Variants in LRBA observed in about 807,000 individuals in gnomAD.
The protein encoded by LRBA is LPS responsive beige-like anchor protein, also known as lipopolysaccharide-responsive and beige-like anchor protein.
In LRBA, 176 loss-of-function variants were observed where a neutral mutation model predicts 330.0. The observed-to-expected ratio is 0.53, with a 90% CI of 0.47 to 0.60. The LOEUF (loss-of-function observed/expected upper bound fraction) is 0.60. Among genes scored for constraint, LRBA ranks in the 20% least tolerant of loss-of-function variants. The pLI is 0.00. For missense variants in LRBA, 3,259 were observed against 3,444.8 expected (o/e 0.95, Z 1.35); for synonymous variants, 1,230 against 1,193.0 (o/e 1.03, Z -0.64).
chr4:151,014,685 G>T lies in LRBA; in HGVS notation c.-43C>A. On this transcript the variant is annotated 5_prime_UTR_variant, in exon 2 of 57. Transcript: ENST00000651943. ...GGACAACTCAGAGTCACCCTGGGAC[G>T]GCAGTCGCTGCACTGGTAATGAGCA... 1 of 1,377,170 alleles carries T rather than the reference G, an allele frequency of 7.3e-7. No homozygotes were observed. Among genetic ancestry groups the T allele is most frequent in the African/African-American group, 1.4e-5 (1 of 70,210 alleles). 85.3% of individuals were successfully genotyped at this position (1,377,170 alleles called of 1,614,324 possible). A position where few individuals can be genotyped will look rare whatever the true frequency, so the allele number is the denominator to read the frequency against.
At chr4:150,828,920 GGGGTGTGTGTGTGTGTGTGTGTGTGTGT>G (rs899734199) in intron 29 of LRBA, among the ~76,000 whole-genome samples, 3 of 53,238 alleles carry the variant, frequency 5.6e-5, no homozygotes, top group Non-Finnish European at 6.0e-5. Flanking sequence ...ATCTTTTTTG[GGGGTGTGTGTGTGTGTGTGTGTGTGTGT>G]GTGTGTGTGT....
chr4:150,669,666 A>G lies in LRBA; in HGVS notation c.5921+13885T>C, dbSNP rs1781876563. On this transcript the variant is annotated intron_variant, in intron 37 of 56. Coordinates refer to ENST00000651943, the MANE Select transcript of LRBA (RefSeq NM_001364905.1). ...CTGCAATCTCCACCTCCTGGGTTCAAGCGATTCTCCTGCCTCAGCCTCCCG... is the reference window on the plus strand; with the variant it reads ...CTGCAATCTCCACCTCCTGGGTTCAGGCGATTCTCCTGCCTCAGCCTCCCG... 2.6e-5 allele frequency among the ~76,000 whole-genome samples: 4 copies of G among 152,044 alleles called. No homozygotes were observed. The South Asian group carries it at 8.3e-4, about 32-fold the overall frequency.
chr4:150,286,111 T>C, intron 53 of LRBA, 77 bp from the exon 54 acceptor site: 1 of 973,862 alleles, frequency 1.0e-6, no homozygotes, highest in South Asian at 1.5e-5. Context: ...TTGCTCCTAA[T>C]TTCCATCATG....
At chr4:150,503,005 A>G (rs1203370529) in intron 40 of LRBA, among the ~76,000 whole-genome samples, 1 of 152,170 alleles carries the variant, frequency 6.6e-6, no homozygotes, top group Non-Finnish European at 1.5e-5. Context: ...AGGCTGGGGG[A>G]GGGGTGCCCA....
At chr4:150,597,776 T>C (rs1206229493) in intron 38 of LRBA, among the ~76,000 whole-genome samples, 1 of 152,026 alleles carries the variant, frequency 6.6e-6, no homozygotes, top group Non-Finnish European at 1.5e-5. Context: ...AAAAACTATA[T>C]GTACTCTAAA....
intron 2 of LRBA, among the ~76,000 whole-genome samples, chr4:150,991,631 A>G (rs986456171): frequency 6.6e-6 from 1 of 152,228 alleles, no homozygotes; most frequent in Non-Finnish European, 1.5e-5. Flanking sequence ...GACAGAAATT[A>G]GATCAGTGGT....
chr4:150,816,343 T>C (rs1181705535), intron 31 of LRBA, among the ~76,000 whole-genome samples: 1 of 151,912 alleles, frequency 6.6e-6, no homozygotes, highest in Non-Finnish European at 1.5e-5. Flanking sequence ...CAGCAAAATA[T>C]CCAGAAGAAA....
intron 35 of LRBA, among the ~76,000 whole-genome samples, chr4:150,744,202 G>A (rs928040900): frequency 1.3e-5 from 2 of 152,162 alleles, no homozygotes; most frequent in African/African-American, 4.8e-5. Context: ...CAAGAGTACA[G>A]ATGTGAAATA....
chr4:150,328,186 A>G (rs1347256110), intron 48 of LRBA, among the ~76,000 whole-genome samples: 1 of 152,210 alleles, frequency 6.6e-6, no homozygotes, highest in Non-Finnish European at 1.5e-5. Flanking sequence ...ATGAGCAGAA[A>G]TAGGAATACA....
intron 37 of LRBA, among the ~76,000 whole-genome samples, chr4:150,661,893 TACAGGCATGAGGCACC>T (rs1364765284): frequency 1.3e-5 from 2 of 152,168 alleles, no homozygotes; most frequent in Non-Finnish European, 2.9e-5. Context: ...CTGCTGGGAT[TACAGGCATGAGGCACC>T]ACGCCCAGCC....
chr4:150,986,345 T>C (rs115490596), intron 2 of LRBA, among the ~76,000 whole-genome samples: 3,065 of 152,222 alleles, frequency 0.02, 87 homozygotes, highest in African/African-American at 0.07. Context: ...GTCAGATCAG[T>C]GGTAGCATTA....
At chr4:150,977,919 C>G (rs1454318398) in intron 2 of LRBA, among the ~76,000 whole-genome samples, 3 of 152,262 alleles carry the variant, frequency 2.0e-5, no homozygotes, top group Non-Finnish European at 4.4e-5. Flanking sequence ...CTCCTTGGCT[C>G]CTGGATGGCC....
At chr4:150,977,308 T>A (rs1428863892) in intron 2 of LRBA, among the ~76,000 whole-genome samples, 1 of 152,108 alleles carries the variant, frequency 6.6e-6, no homozygotes, top group Admixed American at 6.5e-5. Context: ...AACCAGGCAG[T>A]CATGAGGACC....
At chr4:150,659,745 C>G (rs1347286770) in intron 37 of LRBA, among the ~76,000 whole-genome samples, 1 of 12,640 alleles carries the variant, frequency 7.9e-5, no homozygotes, top group African/African-American at 1.1e-4. Flanking sequence ...CCCCCACGCC[C>G]GGCCAGCCGC....
intron 51 of LRBA, among the ~76,000 whole-genome samples, chr4:150,313,149 A>G (rs910273356): frequency 2.6e-5 from 4 of 152,116 alleles, no homozygotes; most frequent in African/African-American, 9.7e-5. Flanking sequence ...TCAATTTTTT[A>G]AAGTTAACAT....
chr4:150,594,408 T>C (rs920046612), intron 38 of LRBA, among the ~76,000 whole-genome samples: 2 of 152,070 alleles, frequency 1.3e-5, no homozygotes, highest in African/African-American at 4.8e-5. Flanking sequence ...TAACTTTCAT[T>C]TGCCTTATTC....
intron 30 of LRBA, among the ~76,000 whole-genome samples, 159 bp from the exon 31 acceptor site, chr4:150,817,416 AT>A (rs1351472438): frequency 2.0e-5 from 3 of 152,086 alleles, no homozygotes; most frequent in African/African-American, 7.2e-5. Flanking sequence ...AACATGAAAT[AT>A]CTTCAATACT....
intron 37 of LRBA, among the ~76,000 whole-genome samples, chr4:150,651,220 T>C (rs1779678631): frequency 6.6e-6 from 1 of 152,160 alleles, no homozygotes; most frequent in Non-Finnish European, 1.5e-5. Context: ...CTAAATATTT[T>C]ACTAGATGGA....
At chr4:150,558,226 A>G (rs956845943) in intron 40 of LRBA, among the ~76,000 whole-genome samples, 3 of 152,092 alleles carry the variant, frequency 2.0e-5, no homozygotes, top group African/African-American at 7.2e-5. Flanking sequence ...GAAGCAAGCC[A>G]CTAAGCAGAG....
Sources: gnomAD v4.1 joint callset for allele counts (sites outside exome capture counted in the v4.1 genomes callset) on GRCh38, gnomAD v4.1.1 for gene constraint, MANE v1.5 for transcripts, NCBI Gene and HGNC (gene_info 2026-07-23, HGNC 2026-07-21) for gene names.